The following ITPR1 variants were observed in gnomAD, a reference collection of about 807,000 sequenced individuals.
ITPR1 encodes the protein inositol 1,4,5-trisphosphate-gated calcium channel ITPR1.
In ITPR1, 96 loss-of-function variants were observed where a neutral mutation model predicts 318.4. The observed-to-expected ratio is 0.30, with a 90% CI of 0.26 to 0.36. The LOEUF (loss-of-function observed/expected upper bound fraction) is 0.36, where lower values mean the gene tolerates loss of function less well. Among genes scored for constraint, ITPR1 ranks in the 10% least tolerant of loss-of-function variants. The pLI is 1.00. For missense variants in ITPR1, 2,440 were observed against 3,460.2 expected (o/e 0.71, Z 7.40); for synonymous variants, 1,312 against 1,289.9 (o/e 1.02, Z -0.37).
At chr3:4,615,992 A>T (rs953223558) in intron 4 of ITPR1, among the ~76,000 whole-genome samples, 1 of 152,144 alleles carries the variant, frequency 6.6e-6, no homozygotes. Flanking sequence ...TTTTTTGCAG[A>T]TGGGTAATGG....
At chr3:4,663,974 G>C (rs140388809) in intron 16 of ITPR1, among the ~76,000 whole-genome samples, 2,811 of 152,270 alleles carry the variant, frequency 0.018, 30 homozygotes, top group Middle Eastern at 0.051. Context: ...TCTGTCCATG[G>C]CTTGATAGTT....
intron 4 of ITPR1, among the ~76,000 whole-genome samples, chr3:4,621,202 A>G (rs1484704381): frequency 6.6e-6 from 1 of 152,104 alleles, no homozygotes; most frequent in African/African-American, 2.4e-5. Context: ...TTGGCTTACA[A>G]TTTCACAAGC....
At chr3:4,627,556 A>AC (rs1283263117) in intron 4 of ITPR1, among the ~76,000 whole-genome samples, 1 of 151,990 alleles carries the variant, frequency 6.6e-6, no homozygotes, top group Admixed American at 6.6e-5. Flanking sequence ...AGAACAATCG[A>AC]CTCACTTTCT....
chr3:4,695,553 A>G (rs187823839), intron 33 of ITPR1, among the ~76,000 whole-genome samples: 5 of 151,634 alleles, frequency 3.3e-5, no homozygotes, highest in African/African-American at 1.2e-4. Flanking sequence ...TCCTGTCCTC[A>G]CCTCCCCCAA....
Position 4,697,329 on chromosome 3 carries a change from T to A in ITPR1, c.4407+57T>A, listed in dbSNP as rs183766199. ...GGAGAGTGAGAGGTGTGTGTGTGTG[T>A]GTGTGTGTGTGTGTGTGTGTGTGTA... On this transcript the variant is annotated intron_variant, in intron 34 of 61. Coordinates refer to ENST00000649015, the MANE Select transcript of ITPR1 (RefSeq NM_001378452.1). 2.2e-5 allele frequency: 30 copies of A among 1,347,344 alleles called. No homozygotes were observed. The African/African-American group carries it at 4.0e-4, about 18-fold the overall frequency. 83.5% of individuals were successfully genotyped at this position (1,347,344 alleles called of 1,614,324 possible).
chr3:4,800,640 G>A (rs768102873), intron 54 of ITPR1, 40 bp downstream of exon 54: 3 of 1,593,606 alleles, frequency 1.9e-6, no homozygotes, highest in Non-Finnish European at 8.6e-7. Flanking sequence ...TTTGTTTGCA[G>A]ATTAATAGGA....
intron 3 of ITPR1, among the ~76,000 whole-genome samples, chr3:4,517,613 G>A (rs574899176): frequency 6.6e-6 from 1 of 152,328 alleles, no homozygotes; most frequent in East Asian, 1.9e-4. Context: ...ACTGTAGAGA[G>A]ATTTTGTTTC....
intron 40 of ITPR1, among the ~76,000 whole-genome samples, chr3:4,718,570 G>A (rs1489045804): frequency 1.3e-5 from 2 of 152,194 alleles, no homozygotes; most frequent in African/African-American, 4.8e-5. Flanking sequence ...TAAGTGACTG[G>A]TCCTAGCTCA....
intron 44 of ITPR1, among the ~76,000 whole-genome samples, chr3:4,747,162 C>A (rs186411023): frequency 6.6e-6 from 1 of 152,162 alleles, no homozygotes; most frequent in Non-Finnish European, 1.5e-5. Flanking sequence ...CTCTTTTCTT[C>A]TTCTTTGTAA....
At position 4,820,475 on chromosome 3, in the gene ITPR1, C is replaced by T. The variant is rs570854636; in HGVS notation, c.8028+2233C>T. Among the ~76,000 whole-genome samples the T allele has an allele frequency of 4.6e-5, 7 of 152,248 alleles. No individual in the cohort carries two copies. In the East Asian group the frequency reaches 7.7e-4, roughly 17 times the overall value. On this transcript the variant is annotated intron_variant, in intron 60 of 61. Coordinates refer to ENST00000649015, the MANE Select transcript of ITPR1 (RefSeq NM_001378452.1). The stretch of plus-strand genomic sequence containing the variant: ...TGTCTCAATCGTGGAGACTTAAAGG[C>T]GTCTTGTGAGCAGTCACTTGATAAG...
rs980763130 is a variant in ITPR1 at position 4,543,451 on chromosome 3, CAAAACA to C, written c.163+22373_163+22378del. Among the ~76,000 whole-genome samples the C allele has an allele frequency of 5.9e-5, 9 of 152,128 alleles. 1 individual carries two copies. Among genetic ancestry groups the C allele is most frequent in the African/African-American group, 7.2e-5 (3 of 41,510 alleles). Reference sequence around the variant, plus strand: ...GTTCCAAAAACAAATCAAAACAAAACAAAACAAAAACAAAAACAAAACAGGTAATAA... The same window carrying C: ...GTTCCAAAAACAAATCAAAACAAAACAAAACAAAAACAAAACAGGTAATAA... On this transcript the variant is annotated intron_variant, in intron 4 of 61. Coordinates refer to ENST00000649015, the MANE Select transcript of ITPR1 (RefSeq NM_001378452.1).
At position 4,673,325 on chromosome 3, in the gene ITPR1, A is replaced by G; in HGVS notation, c.2394A>G (p.Gln798=). Residue 798 remains glutamine (Q), a synonymous_variant, in exon 21 of 62, where the codon CAA becomes CAG. Transcript: ENST00000649015. The part of the protein sequence containing the change: ...HMHVDRDPQE[Q]VTPVKYARLW... ...ATGTGGACCGAGATCCCCAGGAACA[A>G]GTCACCCCCGTGAAATATGCCCGCC... 1.9e-6 allele frequency: 3 copies of G among 1,613,574 alleles called. No individual in the cohort carries two copies. The South Asian group carries it at 3.3e-5, about 18-fold the overall frequency.
At position 4,846,231 on chromosome 3, in the gene ITPR1, T is replaced by A; in HGVS notation, c.*6T>A. The A allele has an allele frequency of 1.3e-6, 2 of 1,534,940 alleles. No homozygotes were observed. The highest frequency in any genetic ancestry group is 1.8e-6 in the Non-Finnish European group (2 of 1,129,790). On this transcript the variant is annotated 3_prime_UTR_variant, in exon 62 of 62. Coordinates refer to ENST00000649015, the MANE Select transcript of ITPR1 (RefSeq NM_001378452.1). ...ACCCACAACAACCAGCATAAGCAAA[T>A]GAAAGAAAGGAATTGTATTTACCTT...
chr3:4,683,914 C>A, intron 28 of ITPR1, 116 bp downstream of exon 28: 1 of 935,726 alleles, frequency 1.1e-6, no homozygotes, highest in Non-Finnish European at 1.6e-6. Context: ...AAGAGATCTG[C>A]TTGTTAAGTC....
intron 51 of ITPR1, 71 bp downstream of exon 51, chr3:4,783,991 C>T (rs1043425421): frequency 1.6e-5 from 17 of 1,035,536 alleles, no homozygotes; most frequent in South Asian, 7.5e-5. Flanking sequence ...TGCTCTGGGG[C>T]TGGCGTGCAT....
chr3:4,531,931 A>G (rs753568486), intron 4 of ITPR1, among the ~76,000 whole-genome samples: 1 of 152,178 alleles, frequency 6.6e-6, no homozygotes, highest in Non-Finnish European at 1.5e-5. Context: ...TCTCAGATGT[A>G]TTACTTAACC....
At chr3:4,823,278 T>G (rs1181948656) in intron 60 of ITPR1, among the ~76,000 whole-genome samples, 1 of 152,220 alleles carries the variant, frequency 6.6e-6, no homozygotes, top group Admixed American at 6.5e-5. Context: ...TTTTCTAGTA[T>G]AGTCAAATGC....
At chr3:4,567,035 G>T (rs1225776370) in intron 4 of ITPR1, among the ~76,000 whole-genome samples, 2 of 152,196 alleles carry the variant, frequency 1.3e-5, no homozygotes, top group Non-Finnish European at 2.9e-5. Context: ...CCTCAAGAAA[G>T]ACATTTAATC....
intron 28 of ITPR1, 93 bp from the exon 29 acceptor site, chr3:4,684,187 TC>T: frequency 1.3e-6 from 1 of 796,754 alleles, no homozygotes; most frequent in South Asian, 1.5e-5. Flanking sequence ...AGTATAGAAC[TC>T]CCTTTCTTTC....
Sources: gnomAD v4.1 joint callset for allele counts (sites outside exome capture counted in the v4.1 genomes callset) on GRCh38, gnomAD v4.1.1 for gene constraint, MANE v1.5 for transcripts, NCBI Gene and HGNC (gene_info 2026-07-23, HGNC 2026-07-21) for gene names.